Variants in KLF17 observed in about 807,000 individuals in gnomAD.
KLF17 encodes the protein KLF transcription factor 17.
KLF17 carries 31 observed loss-of-function variants against 34.2 expected under a neutral mutation model. The ratio of observed to expected loss-of-function variants is 0.91; its 90% confidence interval spans 0.68 to 1.22. The LOEUF (loss-of-function observed/expected upper bound fraction) is 1.22. Ranked by LOEUF, KLF17 falls within the 50% of genes most tolerant of loss-of-function variation. KLF17 has a pLI of 0.00. For synonymous variants in KLF17, 179 were observed against 186.7 expected (o/e 0.96, Z 0.34); for missense variants, 478 against 505.2 (o/e 0.95, Z 0.52).
chr1:44,070,565 T>A, the KLF17 span, among the ~76,000 whole-genome samples: 1 of 151,552 alleles, frequency 6.6e-6, no homozygotes, highest in Admixed American at 6.6e-5. Flanking sequence ...CTACCCCACA[T>A]TCTCACCTCT....
At chr1:44,080,302 A>G in the KLF17 span, among the ~76,000 whole-genome samples, 1 of 136,578 alleles carries the variant, frequency 7.3e-6, no homozygotes, top group Non-Finnish European at 1.5e-5. Flanking sequence ...GCATTGGTGC[A>G]ATCTAGGCTC....
chr1:44,100,548 C>T, the KLF17 span, among the ~76,000 whole-genome samples: 4 of 152,008 alleles, frequency 2.6e-5, no homozygotes, highest in East Asian at 1.9e-4. Context: ...ATAACATAAC[C>T]GCACTGGAGG....
chr1:44,085,226 T>C, the KLF17 span, among the ~76,000 whole-genome samples: 1 of 152,136 alleles, frequency 6.6e-6, no homozygotes. Context: ...GCTTATGTTC[T>C]AAAGGGGAAG....
the KLF17 span, among the ~76,000 whole-genome samples, chr1:44,083,134 G>A: frequency 6.6e-6 from 1 of 151,614 alleles, no homozygotes; most frequent in Non-Finnish European, 1.5e-5. Flanking sequence ...TTTTTGTAGA[G>A]ATGAGGCCTT....
the KLF17 span, among the ~76,000 whole-genome samples, chr1:44,083,938 C>T: frequency 5.9e-5 from 9 of 152,322 alleles, no homozygotes; most frequent in African/African-American, 2.2e-4. Flanking sequence ...AGTGACGCTT[C>T]TTTCCTCTGA....
chr1:44,086,491 AT>A, the KLF17 span, among the ~76,000 whole-genome samples: 1 of 151,694 alleles, frequency 6.6e-6, no homozygotes, highest in South Asian at 2.1e-4. Context: ...AAATAAATAA[AT>A]AAATAAATAA....
chr1:44,069,469 CG>C, the KLF17 span, among the ~76,000 whole-genome samples: 5 of 127,084 alleles, frequency 3.9e-5, no homozygotes, highest in African/African-American at 6.1e-5. The surrounding 1 kb of genome is among the most constrained non-coding windows in gnomAD (Gnocchi z 4.7). Flanking sequence ...TGTTACATGG[CG>C]AGAGAGAGAG....
chr1:44,129,539 A>G lies in KLF17; in HGVS notation c.268A>G (p.Ser90Gly). 6.2e-7 allele frequency: 1 copy of G among 1,613,522 alleles called. No individual in the cohort carries two copies. Among genetic ancestry groups the G allele is most frequent in the East Asian group, 2.2e-5 (1 of 44,864 alleles). Reference sequence around the variant, plus strand: ...TGTGAATGAAGGGGGGCCACAGTTCAGTATGCCACTGCCTGAGCGTGGTAT... The same window carrying G: ...TGTGAATGAAGGGGGGCCACAGTTCGGTATGCCACTGCCTGAGCGTGGTAT... Reference protein sequence around the residue: ...QNVNEGGPQFSMPLPERGMSY... With the variant: ...QNVNEGGPQFGMPLPERGMSY... The change falls in exon 2 of 4, where the codon AGT (serine) becomes GGT (glycine). Residue 90 changes from serine to glycine, a missense_variant. Transcript: ENST00000372299.
the KLF17 span, chr1:44,103,365 C>T: frequency 5.3e-6 from 4 of 751,470 alleles, no homozygotes; most frequent in Non-Finnish European, 9.7e-6. Context: ...CTTCCCGTTG[C>T]AGGTCTGGAT....
At chr1:44,102,500 C>T in the KLF17 span, among the ~76,000 whole-genome samples, 1 of 149,780 alleles carries the variant, frequency 6.7e-6, no homozygotes, top group African/African-American at 2.5e-5. Flanking sequence ...TTGCAGTGAG[C>T]TGAGATCCTG....
chr1:44,104,687 C>T, the KLF17 span: 1 of 423,718 alleles, frequency 2.4e-6, no homozygotes, highest in South Asian at 2.5e-5. Context: ...GGCACTGGGC[C>T]CACTCGTATA....
At chr1:44,068,540 C>T in the KLF17 span, among the ~76,000 whole-genome samples, 1 of 152,216 alleles carries the variant, frequency 6.6e-6, no homozygotes, top group Non-Finnish European at 1.5e-5. Flanking sequence ...TCCTCCCTTC[C>T]CCTGCCCTTC....
upstream of KLF17, among the ~76,000 whole-genome samples, chr1:44,116,931 C>T (rs2087884416): frequency 6.6e-6 from 1 of 152,134 alleles, no homozygotes; most frequent in African/African-American, 2.4e-5. Context: ...ATTCTTGTTT[C>T]AGTTGCCTCC....
At chr1:44,130,854 T>C in intron 3 of KLF17, 98 bp downstream of exon 3, 2 of 1,248,974 alleles carry the variant, frequency 1.6e-6, no homozygotes, top group Non-Finnish European at 2.2e-6. Context: ...TGGAGTGCAG[T>C]GGCGCAATTC....
At chr1:44,070,768 T>C in the KLF17 span, among the ~76,000 whole-genome samples, 1 of 151,868 alleles carries the variant, frequency 6.6e-6, no homozygotes, top group African/African-American at 2.4e-5. Context: ...ACAAAGCACA[T>C]GTTTGAGGCA....
At chr1:44,090,013 G>C in the KLF17 span, among the ~76,000 whole-genome samples, 1 of 151,280 alleles carries the variant, frequency 6.6e-6, no homozygotes, top group Non-Finnish European at 1.5e-5. Context: ...AATGCAAAAA[G>C]TTAGCCGGGC....
the KLF17 span, among the ~76,000 whole-genome samples, chr1:44,092,048 A>G: frequency 3.3e-4 from 49 of 150,664 alleles, no homozygotes; most frequent in South Asian, 0.01. Context: ...AAAAAAAAAA[A>G]ACTTGCTCTT....
At chr1:44,058,837 T>C in the KLF17 span, among the ~76,000 whole-genome samples, 1 of 151,834 alleles carries the variant, frequency 6.6e-6, no homozygotes, top group South Asian at 2.1e-4. Context: ...TGCTCACCCA[T>C]ATTATCAACT....
chr1:44,053,345 T>C, the KLF17 span, among the ~76,000 whole-genome samples: 213 of 152,334 alleles, frequency 1.4e-3, 1 homozygote, highest in Non-Finnish European at 2.7e-3. Flanking sequence ...ATGTCTGGCT[T>C]ATGATACTCC....
Sources: allele counts gnomAD v4.1 joint callset (sites outside exome capture counted in the v4.1 genomes callset), GRCh38; gene constraint gnomAD v4.1.1; non-coding constraint Gnocchi (gnomAD v3.1); transcripts MANE v1.5; gene names NCBI Gene and HGNC (gene_info 2026-07-23, HGNC 2026-07-21).